Variants in RNASE10 observed in about 807,000 individuals in gnomAD.
RNASE10 encodes inactive ribonuclease-like protein 10.
Under a neutral mutation model 1.1 loss-of-function variants are expected in RNASE10, and 2 were observed. The ratio of observed to expected loss-of-function variants is 1.82; its 90% confidence interval spans 0.74 to 5.73. The LOEUF (loss-of-function observed/expected upper bound fraction) is 5.73, where lower values mean the gene tolerates loss of function less well. Ranked by LOEUF, RNASE10 falls within the 30% of genes most tolerant of loss-of-function variation. RNASE10 has a pLI of 0.05. For synonymous variants in RNASE10, 97 were observed against 96.2 expected, an observed-to-expected ratio of 1.01 and a Z score of -0.05; for missense variants, 276 against 263.4, an observed-to-expected ratio of 1.05 and a Z score of -0.33.
downstream of RNASE10, among the ~76,000 whole-genome samples, chr14:20,513,734 A>G (rs1311281961): frequency 6.6e-6 from 1 of 152,226 alleles, no homozygotes; most frequent in Non-Finnish European, 1.5e-5. Context: ...TATGATATAA[A>G]CATACACACA....
upstream of RNASE10, among the ~76,000 whole-genome samples, chr14:20,504,737 A>G (rs1882648028): frequency 6.9e-6 from 1 of 144,076 alleles, no homozygotes; most frequent in African/African-American, 2.6e-5. Flanking sequence ...TCTCTCACAA[A>G]GAACTCCAGG....
At chr14:20,507,051 C>T (rs1230795565) in intron 1 of RNASE10, among the ~76,000 whole-genome samples, 3 of 150,966 alleles carry the variant, frequency 2.0e-5, no homozygotes, top group Admixed American at 6.6e-5. Flanking sequence ...CGCCTCTGCC[C>T]GGCCGCCCCT....
Position 20,506,518 on chromosome 14 carries a change from C to T in RNASE10, c.79+499C>T, listed in dbSNP as rs561939633. Among the ~76,000 whole-genome samples, 10 of 124,656 alleles carry T rather than the reference C, an allele frequency of 8.0e-5. No homozygotes were observed. In the South Asian group the frequency reaches 2.2e-3, roughly 28 times the overall value. The allele number at this position is 124,656 out of a possible 152,430, so 81.8% of individuals were successfully genotyped here. A position where few individuals can be genotyped will look rare whatever the true frequency, so the allele number is the denominator to read the frequency against. ...GGGGTCAGCCCCCCGCCCGGCCAGC[C>T]GCCCTATCCAGGAGGTGAGGGGCGC... On this transcript the variant is annotated intron_variant, in intron 1 of 1. Transcript: ENST00000430083.
At chr14:20,511,459 C>A (rs911592624), downstream of RNASE10, among the ~76,000 whole-genome samples, 6 of 152,170 alleles carry the variant, frequency 3.9e-5, no homozygotes, top group Non-Finnish European at 8.8e-5. Context: ...TTTAGTGTAT[C>A]CTTTACCCAT....
At chr14:20,506,477 C>T (rs543856866) in intron 1 of RNASE10, among the ~76,000 whole-genome samples, 8 of 132,508 alleles carry the variant, frequency 6.0e-5, no homozygotes, top group African/African-American at 8.9e-5. Flanking sequence ...CCGCCCCGTC[C>T]GGGAGGGAGG....
downstream of RNASE10, among the ~76,000 whole-genome samples, chr14:20,513,670 A>G (rs1339357882): frequency 6.6e-6 from 1 of 152,188 alleles, no homozygotes; most frequent in African/African-American, 2.4e-5. Context: ...TTCACTGTGG[A>G]AATATCACTG....
chr14:20,506,187 G>GGA (rs1555335565), intron 1 of RNASE10, among the ~76,000 whole-genome samples, 168 bp downstream of exon 1: 51 of 139,854 alleles, frequency 3.6e-4, no homozygotes, highest in African/African-American at 1.3e-3. Flanking sequence ...GGAGGTGGGG[G>GGA]GGGGTCAGCC....
chr14:20,509,300 GGCCTCCCAAA>G (rs1478234472), intron 1 of RNASE10, among the ~76,000 whole-genome samples: 1 of 152,290 alleles, frequency 6.6e-6, no homozygotes, highest in Non-Finnish European at 1.5e-5. Flanking sequence ...CACCTGCCTT[GGCCTCCCAAA>G]GTGCTGGGAT....
upstream of RNASE10, among the ~76,000 whole-genome samples, chr14:20,504,408 T>C (rs1319208292): frequency 6.6e-6 from 1 of 152,130 alleles, no homozygotes; most frequent in African/African-American, 2.4e-5. Flanking sequence ...CTCTCTTTTT[T>C]AAAATAAATA....
At chr14:20,512,518 G>T (rs112918563), downstream of RNASE10, among the ~76,000 whole-genome samples, 120 of 152,330 alleles carry the variant, frequency 7.9e-4, no homozygotes, top group African/African-American at 2.7e-3. Flanking sequence ...GGAGACTGAA[G>T]GGAAGAACGG....
chr14:20,504,754 C>G (rs1289137021), upstream of RNASE10, among the ~76,000 whole-genome samples: 9 of 144,916 alleles, frequency 6.2e-5, no homozygotes, highest in Non-Finnish European at 1.2e-4. Flanking sequence ...CAGGCGCAGA[C>G]AGCATCACCA....
chr14:20,512,280 C>G (rs1466896065), downstream of RNASE10, among the ~76,000 whole-genome samples: 1 of 152,160 alleles, frequency 6.6e-6, no homozygotes, highest in Non-Finnish European at 1.5e-5. Context: ...AGAAGAGAAG[C>G]TGTGTGGCTG....
chr14:20,510,542 G>A (rs1264371723), exon 2 of RNASE10: 1 of 1,614,156 alleles, frequency 6.2e-7, no homozygotes, highest in Non-Finnish European at 8.5e-7. Flanking sequence ...ATGGGCCTGG[G>A]GTTGGGACTT....
chr14:20,507,635 TA>T (rs1447695495), intron 1 of RNASE10, among the ~76,000 whole-genome samples: 16 of 93,132 alleles, frequency 1.7e-4, no homozygotes, highest in African/African-American at 6.3e-4. Flanking sequence ...AATAAATAAA[TA>T]AAATTTTCAA....
exon 2 of RNASE10, chr14:20,510,488 T>C (rs897416992): frequency 1.2e-6 from 2 of 1,611,102 alleles, no homozygotes; most frequent in Non-Finnish European, 1.7e-6. Flanking sequence ...CTGAATCTGG[T>C]GCAGATCTTT....
downstream of RNASE10, among the ~76,000 whole-genome samples, chr14:20,512,370 T>C (rs117539943): frequency 0.023 from 3,504 of 152,288 alleles, 46 homozygotes; most frequent in Middle Eastern, 0.037. Flanking sequence ...TAGTCATGCA[T>C]AGGGAGAAGA....
intron 1 of RNASE10, among the ~76,000 whole-genome samples, chr14:20,507,318 AACCCT>A (rs1882769207): frequency 7.5e-6 from 1 of 133,584 alleles, no homozygotes; most frequent in South Asian, 2.6e-4. Context: ...CCTTATCCCC[AACCCT>A]GTGCTCTCTG....
At chr14:20,504,504 G>A (rs1222250140), upstream of RNASE10, among the ~76,000 whole-genome samples, 2 of 151,578 alleles carry the variant, frequency 1.3e-5, no homozygotes, top group African/African-American at 2.4e-5. Context: ...TGGCTAACAC[G>A]GTGAAACCCC....
At chr14:20,506,749 T>C (rs1279844254) in intron 1 of RNASE10, among the ~76,000 whole-genome samples, 119 of 91,564 alleles carry the variant, frequency 1.3e-3, no homozygotes, top group South Asian at 2.2e-3. Context: ...AGCCGCCCCG[T>C]CCGGGAGGGA....
Sources: gnomAD v4.1 joint callset for allele counts (sites outside exome capture counted in the v4.1 genomes callset) on GRCh38, gnomAD v4.1.1 for gene constraint, MANE v1.5 for transcripts, NCBI Gene and HGNC (gene_info 2026-07-23, HGNC 2026-07-21) for gene names.